Variants in VCF1 observed in about 807,000 individuals in gnomAD.
VCF1 encodes the protein VCP nuclear cofactor family member 1, also known as protein VCF1.
chr17:73,209,418 A>T, the VCF1 span: 1 of 1,323,046 alleles, frequency 7.6e-7, no homozygotes, highest in South Asian at 1.4e-5. Context: ...TAGACTGAAA[A>T]GCCAACAGGC....
chr17:73,225,152 G>A, the VCF1 span, among the ~76,000 whole-genome samples: 1 of 152,166 alleles, frequency 6.6e-6, no homozygotes, highest in East Asian at 1.9e-4. Flanking sequence ...TACCAGTAAT[G>A]ACCTTAAACG....
chr17:73,208,120 T>G, the VCF1 span: 1 of 1,460,976 alleles, frequency 6.8e-7, no homozygotes, highest in Non-Finnish European at 9.0e-7. Flanking sequence ...AATTCTAGTT[T>G]TGTCACAAAG....
the VCF1 span, chr17:73,209,606 G>A: frequency 1.3e-6 from 2 of 1,579,264 alleles, no homozygotes; most frequent in East Asian, 2.3e-5. Flanking sequence ...TGGAAGTAGA[G>A]GCCTTGGCAC....
At chr17:73,231,482 A>C in the VCF1 span, among the ~76,000 whole-genome samples, 37 of 151,984 alleles carry the variant, frequency 2.4e-4, no homozygotes, top group Admixed American at 2.4e-3. Context: ...CCGCCTTCGG[A>C]GTCAAACGGC....
At chr17:73,214,845 C>CTG in the VCF1 span, among the ~76,000 whole-genome samples, 1 of 152,212 alleles carries the variant, frequency 6.6e-6, no homozygotes, top group Non-Finnish European at 1.5e-5. Flanking sequence ...GACTTTGGGA[C>CTG]TGAGAAGGAC....
the VCF1 span, among the ~76,000 whole-genome samples, chr17:73,228,210 TAG>T: frequency 6.6e-6 from 1 of 152,194 alleles, no homozygotes; most frequent in South Asian, 2.1e-4. Flanking sequence ...CAGCACAGGC[TAG>T]AGGTCTGTAT....
the VCF1 span, among the ~76,000 whole-genome samples, chr17:73,214,715 T>C: frequency 6.6e-6 from 1 of 152,228 alleles, no homozygotes; most frequent in Non-Finnish European, 1.5e-5. Context: ...AAGCCAATAC[T>C]TGATGATGCA....
chr17:73,208,356 C>T, the VCF1 span: 19 of 1,614,056 alleles, frequency 1.2e-5, no homozygotes, highest in East Asian at 3.6e-4. Flanking sequence ...CCCGACAGTT[C>T]CTGGCTCCTT....
the VCF1 span, among the ~76,000 whole-genome samples, chr17:73,224,263 CA>C: frequency 2.6e-3 from 275 of 103,886 alleles, 7 homozygotes; most frequent in African/African-American, 9.4e-3. Flanking sequence ...GTCGTCTCTC[CA>C]AAAAAAAAAA....
the VCF1 span, among the ~76,000 whole-genome samples, chr17:73,215,307 C>T: frequency 1.3e-5 from 2 of 152,130 alleles, no homozygotes; most frequent in African/African-American, 4.8e-5. Flanking sequence ...TTTTTTGAAA[C>T]AAGGTCTTGC....
At chr17:73,222,971 T>G in the VCF1 span, among the ~76,000 whole-genome samples, 23 of 151,996 alleles carry the variant, frequency 1.5e-4, no homozygotes, top group Admixed American at 1.5e-3. Flanking sequence ...TTTGGACAAG[T>G]GACTATTTTT....
At chr17:73,227,284 A>AT in the VCF1 span, 10 of 1,443,186 alleles carry the variant, frequency 6.9e-6, no homozygotes, top group East Asian at 2.4e-5. Context: ...AATCACAAGG[A>AT]GAAAAAAAAA....
the VCF1 span, among the ~76,000 whole-genome samples, chr17:73,229,846 C>G: frequency 1.6e-3 from 105 of 64,990 alleles, no homozygotes; most frequent in African/African-American, 6.0e-3. Context: ...CCAGCCTGGC[C>G]GACACAGTGA....
the VCF1 span, among the ~76,000 whole-genome samples, chr17:73,221,528 G>A: frequency 6.8e-6 from 1 of 147,088 alleles, no homozygotes; most frequent in Non-Finnish European, 1.5e-5. Flanking sequence ...TTCTTGCTCA[G>A]TGAAGAGAAA....
At chr17:73,229,334 T>C in the VCF1 span, 1 of 985,362 alleles carries the variant, frequency 1.0e-6, no homozygotes, top group Non-Finnish European at 1.2e-6. Context: ...GATTACAGCT[T>C]CATGCTCATC....
At chr17:73,224,451 A>G in the VCF1 span, among the ~76,000 whole-genome samples, 1 of 152,066 alleles carries the variant, frequency 6.6e-6, no homozygotes, top group Non-Finnish European at 1.5e-5. Context: ...CAGGGAAAAC[A>G]TAGGAAATGG....
At chr17:73,214,983 T>C in the VCF1 span, among the ~76,000 whole-genome samples, 1 of 152,228 alleles carries the variant, frequency 6.6e-6, no homozygotes, top group African/African-American at 2.4e-5. Flanking sequence ...AGTGCTGACA[T>C]GACATCTGAC....
the VCF1 span, among the ~76,000 whole-genome samples, chr17:73,230,696 C>T: frequency 7.2e-5 from 11 of 152,126 alleles, no homozygotes; most frequent in Non-Finnish European, 1.3e-4. Flanking sequence ...CGCACCCAGC[C>T]GAAAAACCAC....
chr17:73,209,492 G>A, the VCF1 span: 36 of 1,557,780 alleles, frequency 2.3e-5, 1 homozygote, highest in Middle Eastern at 1.8e-4. Flanking sequence ...TCTGCACAGC[G>A]CTGTCCCTTC....
Sources: allele counts gnomAD v4.1 joint callset (sites outside exome capture counted in the v4.1 genomes callset), GRCh38; gene constraint gnomAD v4.1.1; transcripts MANE v1.5; gene names NCBI Gene and HGNC (gene_info 2026-07-23, HGNC 2026-07-21).